MAML3: variants seen among roughly 807,000 people sequenced by gnomAD.
The protein encoded by MAML3 is mastermind-like protein 3.
In MAML3, 27 loss-of-function variants were observed where a neutral mutation model predicts 101.9. The ratio of observed to expected loss-of-function variants is 0.27; its 90% CI spans 0.20 to 0.37. The LOEUF is 0.37. Among genes scored for constraint, MAML3 ranks in the 10% least tolerant of loss-of-function variants. The pLI is 1.00. For missense variants in MAML3, 1,316 were observed against 1,444.9 expected (o/e 0.91, Z 1.45); for synonymous variants, 501 against 555.9 (o/e 0.90, Z 1.39).
Position 139,889,644 on chromosome 4 carries a change from T to A in MAML3, c.1792A>T (p.Thr598Ser). Residue 598 changes from threonine to serine, a missense_variant, in exon 2 of 5, where the codon ACT becomes TCT. By Grantham distance (58) the Thr-to-Ser change is moderately conservative. Transcript: ENST00000509479. ...GTCAGGGGTTTAGTGTTGCCATAAGTCAGAATATTGTGCTGTTTGTTTAAG... is the reference window on the plus strand; with the variant it reads ...GTCAGGGGTTTAGTGTTGCCATAAGACAGAATATTGTGCTGTTTGTTTAAG... ...NSLNKQHNIL[T>S]YGNTKPLTHF... 6.2e-6 allele frequency: 10 copies of A among 1,614,010 alleles called. No individual in the cohort carries two copies. Among genetic ancestry groups the A allele is most frequent in the Non-Finnish European group, 8.5e-6 (10 of 1,179,898 alleles).
At position 139,836,710 on chromosome 4, in the gene MAML3, C is replaced by T. The variant is rs191670014; in HGVS notation, c.2079+52647G>A. Among the ~76,000 whole-genome samples, 86 of 152,004 alleles carry T rather than the reference C, an allele frequency of 5.7e-4. 1 individual carries two copies. Among genetic ancestry groups the T allele is most frequent in the East Asian group, 1.2e-3 (6 of 5,164 alleles). On this transcript the variant is annotated intron_variant, in intron 2 of 4. Coordinates refer to ENST00000509479, the MANE Select transcript of MAML3 (RefSeq NM_018717.5). ...AGAGATGTAGGAATGCTGGAGAGCC[C>T]GGGCCTATGTTGTTCTTGGTGGAAT...
chr4:139,864,936 T>TTG (rs1731867733), intron 2 of MAML3, among the ~76,000 whole-genome samples: 3 of 142,844 alleles, frequency 2.1e-5, no homozygotes, highest in South Asian at 2.2e-4. Flanking sequence ...TTTTTTTTTT[T>TTG]TTTTTTTTTT....
At chr4:140,023,813 G>T (rs917765539) in intron 1 of MAML3, among the ~76,000 whole-genome samples, 5 of 151,970 alleles carry the variant, frequency 3.3e-5, no homozygotes, top group Non-Finnish European at 7.4e-5. Flanking sequence ...TTTTTCTTTT[G>T]GAAAAATTAT....
In MAML3 at chr4:140,153,469, G is replaced by C; in HGVS notation, c.-142C>G. ...CATGGATGGAAACGGCGATCCCGACGGGGCGAAAAAAACGGGGGGGGAGAT... is the reference window on the plus strand; with the variant it reads ...CATGGATGGAAACGGCGATCCCGACCGGGCGAAAAAAACGGGGGGGGAGAT... On this transcript the variant is annotated 5_prime_UTR_variant, in exon 1 of 5. Coordinates refer to ENST00000509479, the MANE Select transcript of MAML3 (RefSeq NM_018717.5). 1.0e-6 allele frequency: 1 copy of C among 978,762 alleles called. No individual in the cohort carries two copies. The highest frequency in any genetic ancestry group is 1.4e-6 in the Non-Finnish European group (1 of 725,952). 60.6% of individuals were successfully genotyped at this position (978,762 alleles called of 1,614,324 possible).
rs546498172 is a variant in MAML3 at position 139,911,509 on chromosome 4, C to T, written c.469-20542G>A. 2.7e-4 allele frequency among the ~76,000 whole-genome samples: 41 copies of T among 152,312 alleles called. 1 individual carries two copies. Among genetic ancestry groups the T allele is most frequent in the African/African-American group, 6.3e-4 (26 of 41,558 alleles). ...CTGGAATTACAGGCGTGAGCCACTG[C>T]GCCCAGCCCAGAATTTCCTTTTTAA... On this transcript the variant is annotated intron_variant, in intron 1 of 4. Coordinates refer to ENST00000509479, the MANE Select transcript of MAML3 (RefSeq NM_018717.5).
At chr4:140,004,800 A>G (rs1423412784) in intron 1 of MAML3, among the ~76,000 whole-genome samples, 6 of 151,388 alleles carry the variant, frequency 4.0e-5, no homozygotes, top group Non-Finnish European at 5.9e-5. Context: ...GTAGAGAGAC[A>G]CATGGTCATT....
rs368722575 is a variant in MAML3, at chr4:139,720,301, G to A, written c.2439C>T (p.Ala813=). 2.4e-5 allele frequency: 38 copies of A among 1,552,248 alleles called. No individual in the cohort carries two copies. Among genetic ancestry groups the A allele is most frequent in the Admixed American group, 7.4e-5 (4 of 53,812 alleles). The change falls in exon 5 of 5, where the codon GCC becomes GCT. Residue 813 remains alanine, a synonymous_variant. Transcript: ENST00000509479. ...QFQGSPQDIA[A]VRSQAALQSM... ...TCTGGAGGGCTGCTTGGCTTCTTACGGCTGCTATATCCTGGGGAGAACCTG... is the reference window on the plus strand; with the variant it reads ...TCTGGAGGGCTGCTTGGCTTCTTACAGCTGCTATATCCTGGGGAGAACCTG...
chr4:139,879,017 G>A (rs955345023), intron 2 of MAML3, among the ~76,000 whole-genome samples: 3 of 152,164 alleles, frequency 2.0e-5, no homozygotes, highest in African/African-American at 7.2e-5. Flanking sequence ...TCACCACATT[G>A]GGACTGGGGA....
intron 1 of MAML3, among the ~76,000 whole-genome samples, chr4:140,042,238 T>C (rs886322844): frequency 6.6e-6 from 1 of 152,170 alleles, no homozygotes; most frequent in Admixed American, 6.5e-5. Flanking sequence ...TGTTTGTAAC[T>C]TGTGGCTTTA....
intron 1 of MAML3, among the ~76,000 whole-genome samples, chr4:140,075,444 C>A (rs550409827): frequency 6.6e-6 from 1 of 152,166 alleles, no homozygotes; most frequent in African/African-American, 2.4e-5. Flanking sequence ...GTTCGCTAAC[C>A]AATTTTCCTC....
chr4:139,775,053 GAAAAGTC>G (rs1730066564), intron 2 of MAML3, among the ~76,000 whole-genome samples: 1 of 152,104 alleles, frequency 6.6e-6, no homozygotes, highest in South Asian at 2.1e-4. Flanking sequence ...AGAATAAGAG[GAAAAGTC>G]ACCATGACTA....
chr4:139,869,087 ATTTCAATCCCATGT>A (rs1286735509), intron 2 of MAML3, among the ~76,000 whole-genome samples: 1 of 152,220 alleles, frequency 6.6e-6, no homozygotes, highest in Non-Finnish European at 1.5e-5. Context: ...AGAACAGATT[ATTTCAATCCCATGT>A]TTGTGTGGAA....
intron 1 of MAML3, among the ~76,000 whole-genome samples, chr4:139,981,140 C>G (rs1468453736): frequency 6.6e-6 from 1 of 152,214 alleles, no homozygotes; most frequent in African/African-American, 2.4e-5. Flanking sequence ...AGATCAAGGT[C>G]CTGGCAAGGT....
At chr4:140,036,491 G>T (rs1726988923) in intron 1 of MAML3, among the ~76,000 whole-genome samples, 2 of 152,190 alleles carry the variant, frequency 1.3e-5, no homozygotes, top group Non-Finnish European at 2.9e-5. Context: ...ACCCTTTCAA[G>T]TCGGGTGCTG....
intron 1 of MAML3, among the ~76,000 whole-genome samples, chr4:139,999,629 C>T (rs1212864082): frequency 6.6e-6 from 1 of 152,138 alleles, no homozygotes; most frequent in Non-Finnish European, 1.5e-5. Context: ...TTTTTAAATG[C>T]TGGGGATACT....
intron 1 of MAML3, among the ~76,000 whole-genome samples, chr4:139,953,084 G>A (rs1461509086): frequency 6.6e-6 from 1 of 152,184 alleles, no homozygotes; most frequent in South Asian, 2.1e-4. Context: ...TAGGCACAAT[G>A]ACATAGATGT....
At chr4:140,109,811 G>T (rs118028670) in intron 1 of MAML3, among the ~76,000 whole-genome samples, 1 of 152,076 alleles carries the variant, frequency 6.6e-6, no homozygotes, top group Non-Finnish European at 1.5e-5. Context: ...CATCACTGTC[G>T]CCATGACAAC....
intron 1 of MAML3, among the ~76,000 whole-genome samples, chr4:140,026,377 C>T (rs764142189): frequency 9.9e-5 from 15 of 152,150 alleles, no homozygotes; most frequent in Non-Finnish European, 1.8e-4. Context: ...GCTTCAGCCT[C>T]CCAAGTAGCT....
chr4:139,792,953 A>G (rs1364445231), intron 2 of MAML3, among the ~76,000 whole-genome samples: 1 of 151,910 alleles, frequency 6.6e-6, no homozygotes, highest in Non-Finnish European at 1.5e-5. Context: ...TCACCATGTT[A>G]GCCAGGATGG....
Sources: gnomAD v4.1 joint callset for allele counts (sites outside exome capture counted in the v4.1 genomes callset) on GRCh38, gnomAD v4.1.1 for gene constraint, MANE v1.5 for transcripts, NCBI Gene and HGNC (gene_info 2026-07-23, HGNC 2026-07-21) for gene names.